Variants in HDAC9 observed in about 807,000 individuals in gnomAD.
HDAC9 encodes histone deacetylase 9.
Under a neutral mutation model 139.4 loss-of-function variants are expected in HDAC9, and 41 were observed. The observed-to-expected ratio is 0.29, with a 90% CI of 0.23 to 0.38. The LOEUF is 0.38. HDAC9 is among the 10% of genes least tolerant of loss of function. HDAC9 has a pLI of 1.00. For synonymous variants in HDAC9, 517 were observed against 476.2 expected (o/e 1.09, Z -1.12); for missense variants, 1,147 against 1,297.0 (o/e 0.88, Z 1.78).
chr7:18,985,844 G>GT (rs1282997257), intron 25 of HDAC9, among the ~76,000 whole-genome samples: 1 of 123,740 alleles, frequency 8.1e-6, no homozygotes, highest in Admixed American at 7.7e-5. Context: ...TTTTTCATGT[G>GT]TTTTTTGGCT....
chr7:18,960,271 G>T (rs2129328182), intron 24 of HDAC9, among the ~76,000 whole-genome samples: 1 of 152,074 alleles, frequency 6.6e-6, no homozygotes, highest in South Asian at 2.1e-4. Flanking sequence ...ATTTTCCCTG[G>T]GAGATGAGAG....
chr7:18,710,250 A>G (rs1327623419), intron 12 of HDAC9, among the ~76,000 whole-genome samples: 11 of 152,290 alleles, frequency 7.2e-5, no homozygotes, highest in African/African-American at 2.6e-4. Flanking sequence ...GAATTATGAG[A>G]GCTACAATTC....
In HDAC9 at chr7:18,824,212, C is replaced by T. The variant is rs550316160; in HGVS notation, c.2323-4949C>T. 3.9e-5 allele frequency among the ~76,000 whole-genome samples: 6 copies of T among 152,160 alleles called. No homozygotes were observed. In the East Asian group the frequency reaches 5.8e-4, roughly 15 times the overall value. ...CTGTCTGCAAGCCGCAAAGAGAGCT[C>T]TCACCAGGGAACAAACCCTGCTGGA... On this transcript the variant is annotated intron_variant, in intron 17 of 25. Coordinates refer to ENST00000686413, the MANE Select transcript of HDAC9 (RefSeq NM_178425.4).
chr7:18,355,739 C>T (rs1438789790), intron 1 of HDAC9, among the ~76,000 whole-genome samples: 1 of 152,042 alleles, frequency 6.6e-6, no homozygotes, highest in South Asian at 2.1e-4. Context: ...GGATTTAACC[C>T]CCATTTCGTG....
At chr7:18,804,775 T>C (rs2129185472) in intron 17 of HDAC9, among the ~76,000 whole-genome samples, 1 of 152,250 alleles carries the variant, frequency 6.6e-6, no homozygotes, top group East Asian at 1.9e-4. Flanking sequence ...AGAACATAGA[T>C]GTGATTGATG....
chr7:18,892,368 ATCC>A (rs947670650), intron 22 of HDAC9, among the ~76,000 whole-genome samples: 1 of 152,212 alleles, frequency 6.6e-6, no homozygotes, highest in Non-Finnish European at 1.5e-5. Flanking sequence ...TATCAACATG[ATCC>A]TCATTTTATA....
intron 2 of HDAC9, among the ~76,000 whole-genome samples, chr7:18,258,951 CTTTTTTT>C (rs199607615): frequency 3.1e-4 from 30 of 98,348 alleles, no homozygotes; most frequent in African/African-American, 9.0e-4. Flanking sequence ...TCTTCTTCTC[CTTTTTTT>C]TTTTTTTTTT....
At position 18,727,777 on chromosome 7, in the gene HDAC9, C is replaced by G. The variant is rs376097765; in HGVS notation, c.1909+20C>G. The stretch of plus-strand genomic sequence containing the variant: ...CAACTGGTAGGAATCCCTAAAGACT[C>G]TCTCTAATAGGCAGGCTAAATGCCC... On this transcript the variant is annotated intron_variant, in intron 13 of 25. Transcript: ENST00000686413. 142 of 1,482,998 alleles carry G rather than the reference C, an allele frequency of 9.6e-5. No individual in the cohort carries two copies. The Middle Eastern group carries it at 2.2e-3, about 22-fold the overall frequency. 91.9% of individuals were successfully genotyped at this position (1,482,998 alleles called of 1,614,324 possible). A position where few individuals can be genotyped will look rare whatever the true frequency, so the allele number is the denominator to read the frequency against.
At chr7:18,461,302 T>A (rs1212176209) in intron 1 of HDAC9, among the ~76,000 whole-genome samples, 1 of 152,196 alleles carries the variant, frequency 6.6e-6, no homozygotes, top group Non-Finnish European at 1.5e-5. Flanking sequence ...ATCTGTTATG[T>A]AATGCTTAAG....
At chr7:18,668,540 C>A in intron 12 of HDAC9, 7 of 974,910 alleles carry the variant, frequency 7.2e-6, no homozygotes, top group Non-Finnish European at 8.5e-6. Flanking sequence ...ACAAAAAAAA[C>A]TATTTTTTAT....
rs553856262 is a variant in HDAC9 at position 18,938,482 on chromosome 7, C to G, written c.2937+2540C>G. On this transcript the variant is annotated intron_variant, in intron 23 of 25. Coordinates refer to ENST00000686413, the MANE Select transcript of HDAC9 (RefSeq NM_178425.4). ...TGTTGGCAGGCGCCTGTAGTCCCAGCTACTCCGGAGCCTGAGTCAGGAGAA... is the reference window on the plus strand; with the variant it reads ...TGTTGGCAGGCGCCTGTAGTCCCAGGTACTCCGGAGCCTGAGTCAGGAGAA... Among the ~76,000 whole-genome samples the G allele has an allele frequency of 2.5e-3, 372 of 151,558 alleles. 4 individuals carry two copies. The highest frequency in any genetic ancestry group is 8.8e-3 in the African/African-American group (365 of 41,308).
intron 22 of HDAC9, among the ~76,000 whole-genome samples, chr7:18,918,055 A>G (rs1402948309): frequency 6.6e-6 from 1 of 152,070 alleles, no homozygotes; most frequent in Non-Finnish European, 1.5e-5. Context: ...AGGATGACGG[A>G]TAATGGATAA....
chr7:18,202,122 C>A (rs1791176722), intron 2 of HDAC9, among the ~76,000 whole-genome samples: 1 of 152,196 alleles, frequency 6.6e-6, no homozygotes, highest in African/African-American at 2.4e-5. Flanking sequence ...AATATATTCT[C>A]AGCCATCTAT....
chr7:18,162,812 T>C (rs1181687315), intron 2 of HDAC9, among the ~76,000 whole-genome samples: 3 of 152,136 alleles, frequency 2.0e-5, no homozygotes, highest in African/African-American at 7.2e-5. Context: ...TTGCTGCCAT[T>C]CCTGTTTCCT....
intron 1 of HDAC9, among the ~76,000 whole-genome samples, chr7:18,384,268 G>A (rs149162824): frequency 2.6e-3 from 402 of 151,920 alleles, no homozygotes; most frequent in Non-Finnish European, 4.3e-3. Context: ...TCACTGTGCC[G>A]CTGCACTTCA....
At chr7:18,679,039 A>C (rs1451119060) in intron 12 of HDAC9, among the ~76,000 whole-genome samples, 1 of 151,908 alleles carries the variant, frequency 6.6e-6, no homozygotes, top group African/African-American at 2.4e-5. Context: ...TGCAGGAATG[A>C]AGATGGAGAG....
At chr7:18,548,083 G>C (rs1030805487) in intron 2 of HDAC9, among the ~76,000 whole-genome samples, 2 of 151,902 alleles carry the variant, frequency 1.3e-5, no homozygotes, top group African/African-American at 4.8e-5. Flanking sequence ...TGAACACTTA[G>C]AGGCCATTGT....
chr7:18,717,364 C>G (rs1218042063), intron 12 of HDAC9, among the ~76,000 whole-genome samples: 1 of 152,058 alleles, frequency 6.6e-6, no homozygotes, highest in Non-Finnish European at 1.5e-5. Flanking sequence ...TAAAGATACC[C>G]TCTACCTTAA....
intron 16 of HDAC9, among the ~76,000 whole-genome samples, chr7:18,768,229 T>C (rs977272821): frequency 6.6e-6 from 1 of 152,178 alleles, no homozygotes; most frequent in African/African-American, 2.4e-5. Flanking sequence ...AGCTAAGTTA[T>C]TTTCCTGAAG....
Sources: gnomAD v4.1 joint callset for allele counts (sites outside exome capture counted in the v4.1 genomes callset) on GRCh38, gnomAD v4.1.1 for gene constraint, MANE v1.5 for transcripts, NCBI Gene and HGNC (gene_info 2026-07-23, HGNC 2026-07-21) for gene names.